The following ZNF783 variants were observed in gnomAD, a reference collection of about 807,000 sequenced individuals.
The protein encoded by ZNF783 is zinc finger protein 783, also known as protein ZNF783.
Under a neutral mutation model 31.3 loss-of-function variants are expected in ZNF783, and 25 were observed. The observed-to-expected ratio is 0.80, with a 90% CI of 0.58 to 1.11. The LOEUF is 1.11. Among genes scored for constraint, ZNF783 ranks in the 50% most tolerant of loss-of-function variants. The pLI is 0.00. For missense variants in ZNF783, 797 were observed against 760.0 expected (o/e 1.05, Z -0.57); for synonymous variants, 369 against 319.1 (o/e 1.16, Z -1.66).
intron 4 of ZNF783, chr7:149,276,462 G>C (rs1797331452): frequency 1.0e-6 from 1 of 985,706 alleles, no homozygotes; most frequent in Non-Finnish European, 1.2e-6. Context: ...TAGGGGCAGT[G>C]TAACCCGTTG....
chr7:149,279,162 G>T (rs1052691681), intron 5 of ZNF783, among the ~76,000 whole-genome samples: 1 of 152,218 alleles, frequency 6.6e-6, no homozygotes, highest in African/African-American at 2.4e-5. Context: ...TGCTTTCCCT[G>T]TGGTGATTTC....
In ZNF783 at chr7:149,281,909, G is replaced by A. The variant is rs753082830; in HGVS notation, c.1207G>A (p.Gly403Ser). The A allele has an allele frequency of 7.2e-6, 11 of 1,524,852 alleles. No homozygotes were observed. The highest frequency in any genetic ancestry group is 1.3e-5 in the South Asian group (1 of 79,678). 94.5% of individuals were successfully genotyped at this position (1,524,852 alleles called of 1,614,324 possible). The change falls in exon 6 of 6, where the codon GGC becomes AGC. Residue 403 changes from glycine to serine, a missense_variant. By Grantham distance (56) the Gly-to-Ser change is moderately conservative (BLOSUM62 0). Coordinates refer to ENST00000434415, the MANE Select transcript of ZNF783 (RefSeq NM_001195220.2). Reference sequence around the variant, plus strand: ...GGAGCCGGGGGAGGTGGTGGTACCCGGCCCTGTCATCCGCTGGCTCCCCGA... The same window carrying A: ...GGAGCCGGGGGAGGTGGTGGTACCCAGCCCTGTCATCCGCTGGCTCCCCGA... Reference protein sequence around the residue: ...MLEPGEVVVPGPVIRWLPEEP... With the variant: ...MLEPGEVVVPSPVIRWLPEEP...
intron 4 of ZNF783, among the ~76,000 whole-genome samples, chr7:149,274,076 A>T (rs367693562): frequency 6.6e-6 from 1 of 152,028 alleles, no homozygotes; most frequent in African/African-American, 2.4e-5. Context: ...TTTTAACTTG[A>T]TGTGATCCCG....
rs1797354149 is a variant in ZNF783, at chr7:149,277,233, T to A, written c.674-1166T>A. ...CAGCGTGGTAAATTCCAACCCAGGT[T>A]TGGAGGTAGAGCCACTTTTTCCATG... On this transcript the variant is annotated intron_variant, in intron 4 of 5. Coordinates refer to ENST00000434415, the MANE Select transcript of ZNF783 (RefSeq NM_001195220.2). 1.3e-5 allele frequency: 2 copies of A among 152,216 alleles called. 1 individual carries two copies. Among genetic ancestry groups the A allele is most frequent in the Admixed American group, 1.3e-4 (2 of 15,268 alleles). 9.4% of individuals were successfully genotyped at this position (152,216 alleles called of 1,614,324 possible).
rs758495123 is a variant in ZNF783 at position 149,270,056 on chromosome 7, A to C, written c.673+2834A>C. Among the ~76,000 whole-genome samples, 244 of 152,144 alleles carry C rather than the reference A, an allele frequency of 1.6e-3. 1 individual carries two copies. The highest frequency in any genetic ancestry group is 2.8e-3 in the Non-Finnish European group (193 of 67,974). ...TGGTGTATATGTGCCACATTTTCTTAATCCAGTCTATCATTGTTGGACATT... is the reference window on the plus strand; with the variant it reads ...TGGTGTATATGTGCCACATTTTCTTCATCCAGTCTATCATTGTTGGACATT... On this transcript the variant is annotated intron_variant, in intron 4 of 5. Coordinates refer to ENST00000434415, the MANE Select transcript of ZNF783 (RefSeq NM_001195220.2).
At chr7:149,267,430 A>G (rs1216896839) in intron 4 of ZNF783, among the ~76,000 whole-genome samples, 1 of 152,212 alleles carries the variant, frequency 6.6e-6, no homozygotes, top group African/African-American at 2.4e-5. Context: ...CTAAGGTGGA[A>G]CATCACACTC....
intron 5 of ZNF783, among the ~76,000 whole-genome samples, chr7:149,279,464 C>T (rs1797409257): frequency 6.6e-6 from 1 of 152,200 alleles, no homozygotes; most frequent in Non-Finnish European, 1.5e-5. Context: ...GCCCTCGGGA[C>T]AGAAGCCCTA....
Position 149,281,554 on chromosome 7 carries a change from G to T in ZNF783, c.852G>T (p.Thr284=), listed in dbSNP as rs61729468. ...KTEAQSEDEM[T]PERLFLGVSR... ...AGGCACAGTCTGAAGACGAGATGAC[G>T]CCTGAGCGGCTCTTTCTGGGGGTGT... Residue 284 remains threonine (T), a synonymous_variant, in exon 6 of 6, where the codon ACG becomes ACT. Transcript: ENST00000434415. 2,225 of 1,486,236 alleles carry T rather than the reference G, an allele frequency of 1.5e-3. 10 individuals are homozygous for T. Among genetic ancestry groups the T allele is most frequent in the Non-Finnish European group, 1.6e-3 (1,828 of 1,131,420 alleles). The allele number at this position is 1,486,236 out of a possible 1,614,324, so 92.1% of individuals were successfully genotyped here.
At chr7:149,279,289 C>T (rs563175194) in intron 5 of ZNF783, among the ~76,000 whole-genome samples, 2 of 152,240 alleles carry the variant, frequency 1.3e-5, no homozygotes, top group Non-Finnish European at 2.9e-5. Context: ...GGTGGGAAGG[C>T]AATGTTCCTG....
intron 1 of ZNF783, among the ~76,000 whole-genome samples, chr7:149,263,265 CGTGTGTGTGTGT>C (rs56067256): frequency 0.061 from 7,390 of 121,392 alleles, 286 homozygotes; most frequent in Non-Finnish European, 0.077. Context: ...TATATATATA[CGTGTGTGTGTGT>C]GTGTGTGTGT....
rs745666009 is a variant in ZNF783 at position 149,266,955 on chromosome 7, CGGAG to C, written c.547+16_547+19del. 2 of 1,613,936 alleles carry C rather than the reference CGGAG, an allele frequency of 1.2e-6. No individual in the cohort carries two copies. Among genetic ancestry groups the C allele is most frequent in the Non-Finnish European group, 1.7e-6 (2 of 1,179,986 alleles). ...ACGCTGGTCTCCCTGGGTAAGGCCA[CGGAG>C]GGAGGATCTGGGCCTCTGTCCACAG... On this transcript the variant is annotated intron_variant, in intron 3 of 5. Coordinates refer to ENST00000434415, the MANE Select transcript of ZNF783 (RefSeq NM_001195220.2).
chr7:149,278,085 C>T, intron 4 of ZNF783: 1 of 1,034,230 alleles, frequency 9.7e-7, no homozygotes, highest in South Asian at 2.4e-5. Flanking sequence ...GACCACCCCA[C>T]TGGCTGGTGG....
chr7:149,278,499 G>T lies in ZNF783; in HGVS notation c.774G>T (p.Ala258=), dbSNP rs752331597. 7 of 1,599,348 alleles carry T rather than the reference G, an allele frequency of 4.4e-6. No individual in the cohort carries two copies. Among genetic ancestry groups the T allele is most frequent in the Non-Finnish European group, 5.9e-6 (7 of 1,179,780 alleles). ...QAPKQQQDSE[A]RVAPAGPEAG... ...CCAAGCAGCAGCAGGACTCAGAGGC[G>T]AGAGTGGCCCCAGCCGGGCCAGAAG... is the stretch of plus-strand genomic sequence containing the variant. Residue 258 remains alanine, a synonymous_variant, in exon 5 of 6, where the codon GCG becomes GCT. Coordinates refer to ENST00000434415, the MANE Select transcript of ZNF783 (RefSeq NM_001195220.2).
In ZNF783 at chr7:149,276,656, T is replaced by C. The variant is rs923785767; in HGVS notation, c.674-1743T>C. 7 of 722,600 alleles carry C rather than the reference T, an allele frequency of 9.7e-6. No individual in the cohort carries two copies. In the African/African-American group the frequency reaches 1.1e-4, roughly 11 times the overall value. 44.8% of individuals were successfully genotyped at this position (722,600 alleles called of 1,614,324 possible). ...ACAGGACCCCACTTGGGTTACTTTT[T>C]ATTTATTTATTTATTTATTTATTTA... On this transcript the variant is annotated intron_variant, in intron 4 of 5. Coordinates refer to ENST00000434415, the MANE Select transcript of ZNF783 (RefSeq NM_001195220.2).
Position 149,262,322 on chromosome 7 carries a change from A to T in ZNF783, c.-12A>T, listed in dbSNP as rs1434342302. 4 of 1,354,638 alleles carry T rather than the reference A, an allele frequency of 3.0e-6. No homozygotes were observed. The highest frequency in any genetic ancestry group is 3.1e-5 in the African/African-American group (2 of 65,432). 83.9% of individuals were successfully genotyped at this position (1,354,638 alleles called of 1,614,324 possible). ...TCCAGGGACTGCAACCCAGCGAGGG[A>T]CGCGGGCAGCCATGGCCGAAGCGGC... On this transcript the variant is annotated 5_prime_UTR_variant, in exon 1 of 6. Transcript: ENST00000434415.
At chr7:149,280,218 T>G (rs893790010) in intron 5 of ZNF783, among the ~76,000 whole-genome samples, 1 of 151,024 alleles carries the variant, frequency 6.6e-6, no homozygotes. Context: ...CCAGTAGGGG[T>G]GGCCGGGCAG....
At chr7:149,267,585 C>G (rs1797109989) in intron 4 of ZNF783, among the ~76,000 whole-genome samples, 1 of 152,118 alleles carries the variant, frequency 6.6e-6, no homozygotes, top group South Asian at 2.1e-4. Flanking sequence ...ATCATGAGGT[C>G]AGGAGATCGA....
intron 5 of ZNF783, among the ~76,000 whole-genome samples, chr7:149,279,640 T>C (rs545821370): frequency 6.8e-6 from 1 of 147,390 alleles, no homozygotes; most frequent in South Asian, 2.2e-4. Flanking sequence ...TTGTTTTTTT[T>C]TTTTTTTTTT....
chr7:149,262,383 C>G (rs1796945877), intron 1 of ZNF783, 26 bp downstream of exon 1: 22 of 1,259,084 alleles, frequency 1.7e-5, no homozygotes, highest in Non-Finnish European at 2.1e-5. Context: ...CCCGCGGACG[C>G]CCGGAAGGCC....
Sources: allele counts gnomAD v4.1 joint callset (sites outside exome capture counted in the v4.1 genomes callset), GRCh38; gene constraint gnomAD v4.1.1; transcripts MANE v1.5; gene names NCBI Gene and HGNC (gene_info 2026-07-23, HGNC 2026-07-21).